The following CC2D2A variants were observed in gnomAD, a reference collection of about 807,000 sequenced individuals.
CC2D2A encodes the protein coiled-coil and C2 domain containing 2A.
In CC2D2A, 155 loss-of-function variants were observed where a neutral mutation model predicts 212.9. That is an observed-to-expected ratio of 0.73 (90% CI 0.64 to 0.83). The LOEUF (loss-of-function observed/expected upper bound fraction) is 0.83, where lower values mean the gene tolerates loss of function less well. Ranked by LOEUF, CC2D2A falls within the 40% of genes least tolerant of loss-of-function variation. The pLI, the probability that CC2D2A is intolerant of heterozygous loss-of-function variation, is 0.00. For synonymous variants in CC2D2A, 667 were observed against 686.5 expected (o/e 0.97, Z 0.44); for missense variants, 1,856 against 1,956.2 (o/e 0.95, Z 0.97).
intron 6 of CC2D2A, among the ~76,000 whole-genome samples, chr4:15,508,882 A>C (rs181019796): frequency 1.3e-5 from 2 of 152,298 alleles, no homozygotes; most frequent in East Asian, 3.9e-4. Context: ...CTTGCCATGA[A>C]CACCTATATG....
Position 15,553,164 on chromosome 4 carries a change from C to T in CC2D2A, c.2345C>T (p.Pro782Leu), listed in dbSNP as rs761947519. Residue 782 changes from proline (P) to leucine (L), a missense_variant, in exon 19 of 37, where the codon CCC (proline) becomes CTC (leucine). Pro to Leu is a moderately conservative substitution (Grantham distance 98, BLOSUM62 -3). This residue lies in a region of CC2D2A where 1,512 missense variants were observed against 1,579.3 expected (regional missense o/e 0.96). Coordinates refer to ENST00000424120, the MANE Select transcript of CC2D2A (RefSeq NM_001378615.1). ...LDHEGVGSGV[P>L]FSFEADGSNQ... ...TAATCTGGTGTTTCCCCAGGAGTGC[C>T]CTTCTCATTTGAAGCTGATGGCAGT... is the stretch of plus-strand genomic sequence containing the variant. The T allele has an allele frequency of 2.5e-6, 4 of 1,600,194 alleles. No individual in the cohort carries two copies. In the South Asian group the frequency reaches 4.6e-5, roughly 18 times the overall value.
intron 17 of CC2D2A, among the ~76,000 whole-genome samples, chr4:15,543,013 A>G (rs147997715): frequency 2.1e-4 from 32 of 152,288 alleles, no homozygotes; most frequent in Admixed American, 1.8e-3. Flanking sequence ...GCAGAACCTG[A>G]AAGGGCCGGC....
chr4:15,582,665 GAAC>G (rs1311504633), intron 30 of CC2D2A, among the ~76,000 whole-genome samples: 4 of 152,064 alleles, frequency 2.6e-5, no homozygotes, highest in African/African-American at 9.7e-5. Context: ...TACCTGAACA[GAAC>G]AATAACAAGT....
chr4:15,596,164 T>TC lies in CC2D2A; in HGVS notation c.4395dup (p.Phe1466LeufsTer16). The TC allele has an allele frequency of 6.5e-7, 1 of 1,549,740 alleles. No homozygotes were observed. The highest frequency in any genetic ancestry group is 8.7e-7 in the Non-Finnish European group (1 of 1,145,934). ...ACCAGGCCCAAGCTATGGAAATCTT[T>TC]CTTTTCAAGAAGCCTTCCATATCCT... On this transcript the variant is annotated frameshift_variant, in exon 34 of 37. Transcript: ENST00000424120. LOFTEE classifies it high-confidence loss of function.
intron 24 of CC2D2A, 51 bp from the exon 25 acceptor site, chr4:15,567,326 A>G: frequency 2.3e-6 from 3 of 1,327,838 alleles, no homozygotes; most frequent in Non-Finnish European, 3.2e-6. Context: ...TTCTCAATAT[A>G]TAATTAGACT....
chr4:15,480,810 T>C lies in CC2D2A; in HGVS notation c.230T>C (p.Val77Ala). 1 of 1,612,810 alleles carries C rather than the reference T, an allele frequency of 6.2e-7. No individual in the cohort carries two copies. ...AAGACCCGCCTCCTGAGTATGACAG[T>C]CCGGAGAGGCCCACGGAGTAAGTGC... ...EPKTRLLSMTVRRGPRSLPPI... is the reference protein window; with the variant it reads ...EPKTRLLSMTARRGPRSLPPI... The change falls in exon 4 of 37, where the codon GTC (valine) becomes GCC (alanine). Residue 77 changes from valine to alanine, a missense_variant. By Grantham distance (64) the Val-to-Ala change is moderately conservative. Around this residue, in one of 5 missense-constraint regions of CC2D2A, gnomAD observed 1,512 missense variants for 1,579.3 expected, o/e 0.96. Coordinates refer to ENST00000424120, the MANE Select transcript of CC2D2A (RefSeq NM_001378615.1).
intron 6 of CC2D2A, among the ~76,000 whole-genome samples, chr4:15,504,173 C>T (rs1004714457): frequency 1.3e-5 from 2 of 152,140 alleles, no homozygotes; most frequent in Non-Finnish European, 2.9e-5. Context: ...CCTATATTCA[C>T]CCCAAAGAAG....
intron 11 of CC2D2A, among the ~76,000 whole-genome samples, chr4:15,523,985 G>A (rs1007679134): frequency 1.3e-5 from 2 of 152,172 alleles, no homozygotes; most frequent in African/African-American, 2.4e-5. Flanking sequence ...GACGGGAAAG[G>A]AGAAATCTTC....
At chr4:15,554,509 C>T (rs1719177221) in intron 19 of CC2D2A, among the ~76,000 whole-genome samples, 2 of 152,046 alleles carry the variant, frequency 1.3e-5, no homozygotes, top group South Asian at 4.1e-4. Context: ...CCCATCTCTA[C>T]TAAAAAAAAT....
intron 4 of CC2D2A, among the ~76,000 whole-genome samples, chr4:15,497,123 G>T (rs1715662559): frequency 6.6e-6 from 1 of 152,176 alleles, no homozygotes. Context: ...TAAGCAAAAA[G>T]AAGAAAGCTG....
At chr4:15,589,398 C>T in intron 32 of CC2D2A, 147 bp from the exon 33 acceptor site, 1 of 769,354 alleles carries the variant, frequency 1.3e-6, no homozygotes, top group South Asian at 2.4e-5. Context: ...TCAGCATAAC[C>T]TAGAACTTCA....
chr4:15,520,517 A>G (rs980382485), intron 11 of CC2D2A, among the ~76,000 whole-genome samples: 1 of 152,236 alleles, frequency 6.6e-6, no homozygotes, highest in Non-Finnish European at 1.5e-5. Flanking sequence ...GTTAGAAAAC[A>G]GAAGAGTAAT....
intron 21 of CC2D2A, 39 bp downstream of exon 21, chr4:15,557,546 G>A: frequency 2.9e-6 from 4 of 1,392,974 alleles, no homozygotes; most frequent in Middle Eastern, 2.2e-4. Flanking sequence ...AAATAATAAA[G>A]TACCTACTGT....
chr4:15,563,571 A>C, intron 24 of CC2D2A, 49 bp downstream of exon 24: 5 of 1,574,052 alleles, frequency 3.2e-6, no homozygotes, highest in Non-Finnish European at 4.3e-6. Flanking sequence ...CATCCCAGCC[A>C]AGTCAATCGC....
rs1026461013 is a variant in CC2D2A, at chr4:15,570,444, A to G, written c.3542A>G (p.His1181Arg). The G allele has an allele frequency of 5.0e-6, 8 of 1,608,498 alleles. No individual in the cohort carries two copies. The highest frequency in any genetic ancestry group is 6.8e-6 in the Non-Finnish European group (8 of 1,176,754). Residue 1181 changes from histidine (H) to arginine (R), a missense_variant, in exon 28 of 37, where the codon CAC (histidine) becomes CGC (arginine). Physicochemically the swap from His to Arg is conservative, Grantham distance 29. Around this residue, in one of 5 missense-constraint regions of CC2D2A, gnomAD observed 1,512 missense variants for 1,579.3 expected, o/e 0.96. Transcript: ENST00000424120. ...GSGIHTRIER[H>R]WLGCVKMPFS... ...GGAATCCATACTCGTATTGAGAGAC[A>G]CTGGCTGGGATGTGTGAAAATGCCA...
rs116442280 is a variant in CC2D2A at position 15,483,127 on chromosome 4, A to T, written c.247+2300A>T. Among the ~76,000 whole-genome samples the T allele has an allele frequency of 7.9e-3, 1,196 of 152,334 alleles. 22 individuals carry two copies. The highest frequency in any genetic ancestry group is 0.028 in the African/African-American group (1,161 of 41,576). ...TCTGTGGAGCCAGGCATCTGTCAGA[A>T]ATGAGAAGTCAAAGCCAGCAGACAA... On this transcript the variant is annotated intron_variant, in intron 4 of 36. Transcript: ENST00000424120.
chr4:15,478,160 G>T (rs762332108), intron 2 of CC2D2A, among the ~76,000 whole-genome samples: 3 of 152,186 alleles, frequency 2.0e-5, no homozygotes, highest in Non-Finnish European at 4.4e-5. Flanking sequence ...AAGAGGAAAC[G>T]AAGTTTGCGC....
At position 15,586,228 on chromosome 4, in the gene CC2D2A, C is replaced by T. The variant is rs1720849945; in HGVS notation, c.4047C>T (p.Asp1349=). The T allele has an allele frequency of 6.2e-7, 1 of 1,605,314 alleles. No homozygotes were observed. The highest frequency in any genetic ancestry group is 8.5e-7 in the Non-Finnish European group (1 of 1,174,568). ...PDTVSFGGIC[D]LWSTSDQFLD... is the part of the protein sequence containing the mutation. ...CTGTCTCATTTGGTGGTATCTGTGACCTCTGGAGCACATCTGATGTAAGTA... is the reference window on the plus strand; with the variant it reads ...CTGTCTCATTTGGTGGTATCTGTGATCTCTGGAGCACATCTGATGTAAGTA... The change falls in exon 31 of 37, where the codon GAC becomes GAT. Residue 1349 remains aspartate, a synonymous_variant. Coordinates refer to ENST00000424120, the MANE Select transcript of CC2D2A (RefSeq NM_001378615.1).
At chr4:15,553,049 T>C (rs558158134) in intron 18 of CC2D2A, 109 bp from the exon 19 acceptor site, 191 of 924,300 alleles carry the variant, frequency 2.1e-4, no homozygotes, top group Non-Finnish European at 2.9e-4. Context: ...TCCATCTTCA[T>C]CACCCCCACC....
Sources: gnomAD v4.1 joint callset for allele counts (sites outside exome capture counted in the v4.1 genomes callset) on GRCh38, gnomAD v4.1.1 for gene constraint, gnomAD v4.1.1 regional missense constraint, MANE v1.5 for transcripts, NCBI Gene and HGNC (gene_info 2026-07-23, HGNC 2026-07-21) for gene names.